TMEM150B: variants seen among roughly 807,000 people sequenced by gnomAD.
TMEM150B encodes modulator of macroautophagy TMEM150B.
Under a neutral mutation model 25.2 loss-of-function variants are expected in TMEM150B, and 33 were observed. That is an observed-to-expected ratio of 1.31 (90% CI 0.99 to 1.75). TMEM150B has a LOEUF of 1.75. Ranked by LOEUF, TMEM150B falls within the 40% of genes most tolerant of loss-of-function variation. The pLI, the probability that TMEM150B is intolerant of heterozygous loss-of-function variation, is 0.00. For missense variants in TMEM150B, 322 were observed against 306.1 expected (o/e 1.05, Z -0.39); for synonymous variants, 133 against 134.8 (o/e 0.99, Z 0.09).
chr19:55,313,002 C>T lies in TMEM150B; in HGVS notation c.559G>A (p.Val187Ile). The T allele has an allele frequency of 5.0e-6, 8 of 1,613,644 alleles. No homozygotes were observed. The highest frequency in any genetic ancestry group is 5.1e-6 in the Non-Finnish European group (6 of 1,179,868). Residue 187 changes from valine to isoleucine, a missense_variant, in exon 8 of 8, where the codon GTC becomes ATC. Transcript: ENST00000326652. The part of the protein sequence containing the change: ...LRSVSAACEW[V>I]VAMLLFALFG... ...AGCGCGAACAGCAGCATGGCCACGA[C>T]CCACTCGCAGGCCGCAGAGACGCTA...
intron 6 of TMEM150B, 40 bp downstream of exon 6, chr19:55,319,997 GAC>G (rs2089149876): frequency 1.2e-6 from 2 of 1,612,860 alleles, no homozygotes; most frequent in Admixed American, 3.3e-5. Context: ...TGTAGTTCCA[GAC>G]GCCGGCCGGG....
At chr19:55,323,545 C>T (rs1426211509) in intron 1 of TMEM150B, among the ~76,000 whole-genome samples, 1 of 151,762 alleles carries the variant, frequency 6.6e-6, no homozygotes, top group Non-Finnish European at 1.5e-5. Flanking sequence ...CTCTGTCACC[C>T]AGATTGGAGT....
At chr19:55,325,168 C>A (rs2089301385) in intron 1 of TMEM150B, 104 bp downstream of exon 1, 4 of 586,020 alleles carry the variant, frequency 6.8e-6, no homozygotes, top group Non-Finnish European at 8.6e-6. Flanking sequence ...TCACTGGTGT[C>A]CCCACGGTGC....
At chr19:55,312,736 C>A, downstream of TMEM150B, 1 of 1,143,818 alleles carries the variant, frequency 8.7e-7, no homozygotes, top group Non-Finnish European at 1.2e-6. Context: ...CCAGGTCAGT[C>A]AGCGGCAGCC....
rs966700140 is a variant in TMEM150B, at chr19:55,313,205, C to T, written c.506-150G>A. 2.3e-5 allele frequency: 18 copies of T among 771,132 alleles called. No homozygotes were observed. The African/African-American group carries it at 2.5e-4, about 11-fold the overall frequency. 47.8% of individuals were successfully genotyped at this position (771,132 alleles called of 1,614,324 possible). ...CCGTAGCTCCTCACAGACGGGGCCT[C>T]GCCTTGGTCTCCGATGCTCTCCAGC... On this transcript the variant is annotated intron_variant, in intron 7 of 7. Coordinates refer to ENST00000326652, the MANE Select transcript of TMEM150B (RefSeq NM_001282011.2).
chr19:55,312,021 C>G (rs55796422), downstream of TMEM150B: 6,009 of 1,510,516 alleles, frequency 4.0e-3, 20 homozygotes, highest in Non-Finnish European at 4.3e-3. Flanking sequence ...CCGAGGCCCC[C>G]CCAAGGACAA....
chr19:55,320,284 G>A, intron 5 of TMEM150B, 107 bp downstream of exon 5: 1 of 1,508,660 alleles, frequency 6.6e-7, no homozygotes, highest in Non-Finnish European at 8.9e-7. Flanking sequence ...GGATTTTGGG[G>A]AAAGAGGGGC....
downstream of TMEM150B, among the ~76,000 whole-genome samples, chr19:55,311,622 A>G (rs551379013): frequency 1.3e-5 from 2 of 152,138 alleles, no homozygotes; most frequent in African/African-American, 4.8e-5. Context: ...AGAGTCTCCT[A>G]AAGTCAGGCC....
intron 7 of TMEM150B, among the ~76,000 whole-genome samples, chr19:55,313,288 T>C (rs1174662831): frequency 2.6e-5 from 4 of 152,068 alleles, no homozygotes; most frequent in African/African-American, 9.7e-5. Context: ...CCCGTTACTA[T>C]TGCAATCCTA....
chr19:55,313,506 T>G (rs950314617), intron 7 of TMEM150B, among the ~76,000 whole-genome samples: 2 of 152,138 alleles, frequency 1.3e-5, no homozygotes, highest in African/African-American at 4.8e-5. Flanking sequence ...CTACAGGCCC[T>G]TCCTGCTCAC....
chr19:55,324,566 T>G (rs2089286631), intron 1 of TMEM150B, among the ~76,000 whole-genome samples: 1 of 152,136 alleles, frequency 6.6e-6, no homozygotes, highest in Non-Finnish European at 1.5e-5. Context: ...GAGAATCGCT[T>G]GAACCCAGGA....
intron 2 of TMEM150B, among the ~76,000 whole-genome samples, chr19:55,321,706 A>G (rs1052907005): frequency 2.6e-5 from 4 of 152,054 alleles, no homozygotes; most frequent in Admixed American, 2.0e-4. Context: ...AGCTCTCTCC[A>G]GCCTGGAAGA....
chr19:55,311,615 G>C (rs2088797576), downstream of TMEM150B, among the ~76,000 whole-genome samples: 1 of 152,220 alleles, frequency 6.6e-6, no homozygotes, highest in Non-Finnish European at 1.5e-5. Flanking sequence ...GAATCTGAGA[G>C]TCTCCTAAAG....
chr19:55,310,591 C>T (rs2088763745), downstream of TMEM150B, among the ~76,000 whole-genome samples: 1 of 152,110 alleles, frequency 6.6e-6, no homozygotes, highest in Non-Finnish European at 1.5e-5. This position sits in a 1 kb window ranked among gnomAD's most constrained non-coding sequence, Gnocchi z 5.0. Flanking sequence ...CATTTTTCCT[C>T]CCCTCAACTG....
intron 2 of TMEM150B, among the ~76,000 whole-genome samples, chr19:55,322,423 G>T (rs1223686905): frequency 6.6e-6 from 1 of 152,100 alleles, no homozygotes; most frequent in Non-Finnish European, 1.5e-5. Flanking sequence ...GGGCCCAGGT[G>T]CATGAGATTG....
chr19:55,324,600 A>T (rs1042126332), intron 1 of TMEM150B: 8 of 570,600 alleles, frequency 1.4e-5, no homozygotes, highest in Non-Finnish European at 1.6e-5. Flanking sequence ...GTGAGCCGAG[A>T]TCGCACCACT....
intron 7 of TMEM150B, among the ~76,000 whole-genome samples, chr19:55,315,633 C>T (rs550785413): frequency 9.2e-5 from 14 of 151,444 alleles, no homozygotes; most frequent in East Asian, 4.0e-4. Flanking sequence ...TGGTGGCTGG[C>T]GCCTGTAGTC....
rs1356821606 is a variant in TMEM150B at position 55,320,576 on chromosome 19, T to C, written c.110A>G (p.Lys37Arg). The change falls in exon 4 of 8, where the codon AAA (lysine) becomes AGA (arginine). Residue 37 changes from lysine (K) to arginine (R), a missense_variant. Coordinates refer to ENST00000326652, the MANE Select transcript of TMEM150B (RefSeq NM_001282011.2). ...GAATTACCTGATGTAGGGAAAGCCT[T>C]TACTGAGGTCCACAGTCCTGTTGGT... is the stretch of plus-strand genomic sequence containing the variant. ...AVTNRTVDLSKGFPYISICGS... is the reference protein window; with the variant it reads ...AVTNRTVDLSRGFPYISICGS... 1 of 1,613,410 alleles carries C rather than the reference T, an allele frequency of 6.2e-7. No homozygotes were observed. Among genetic ancestry groups the C allele is most frequent in the Admixed American group, 1.7e-5 (1 of 59,934 alleles).
Position 55,316,794 on chromosome 19 carries a change from A to G in TMEM150B, c.497T>C (p.Ile166Thr), listed in dbSNP as rs896482793. The change falls in exon 7 of 8, where the codon ATT becomes ACT. Residue 166 changes from isoleucine to threonine, a missense_variant. Coordinates refer to ENST00000326652, the MANE Select transcript of TMEM150B (RefSeq NM_001282011.2). ...GGATACAAGAAGGATACTGGCCACA[A>G]TGAGGATGGTGCAGACGCTGCAGAG... is the stretch of plus-strand genomic sequence containing the variant. ...LGLCSVCTIL[I>T]VAMIVLHACS... The G allele has an allele frequency of 5.2e-6, 8 of 1,529,528 alleles. No individual in the cohort carries two copies. Among genetic ancestry groups the G allele is most frequent in the African/African-American group, 1.4e-5 (1 of 70,228 alleles). The allele number at this position is 1,529,528 out of a possible 1,614,324, so 94.7% of individuals were successfully genotyped here.
Sources: allele counts gnomAD v4.1 joint callset (sites outside exome capture counted in the v4.1 genomes callset), GRCh38; gene constraint gnomAD v4.1.1; non-coding constraint Gnocchi (gnomAD v3.1); transcripts MANE v1.5; gene names NCBI Gene and HGNC (gene_info 2026-07-23, HGNC 2026-07-21).